ESRRB: variants seen among roughly 807,000 people sequenced by gnomAD.
The protein encoded by ESRRB is estrogen related receptor beta.
A neutral mutation model predicts 46.0 loss-of-function variants in ESRRB; 16 were observed. That is an observed-to-expected ratio of 0.35 (90% CI 0.24 to 0.53). The LOEUF is 0.53. ESRRB is among the 20% of genes least tolerant of loss of function. The pLI, the probability that ESRRB is intolerant of heterozygous loss-of-function variation, is 0.93. For missense variants in ESRRB, 488 were observed against 607.4 expected (o/e 0.80, Z 2.07); for synonymous variants, 246 against 259.6 (o/e 0.95, Z 0.50).
intron 3 of ESRRB, among the ~76,000 whole-genome samples, chr14:76,471,564 A>G (rs1889374562): frequency 1.3e-5 from 2 of 152,086 alleles, no homozygotes; most frequent in Non-Finnish European, 2.9e-5. Context: ...AAGCATGACA[A>G]ACTGTTTCCC....
intron 2 of ESRRB, among the ~76,000 whole-genome samples, chr14:76,456,491 T>A (rs1386800896): frequency 6.6e-6 from 1 of 152,120 alleles, no homozygotes; most frequent in East Asian, 1.9e-4. Flanking sequence ...GAACTAGGAC[T>A]GTTGCAGAAG....
Position 76,465,136 on chromosome 14 carries a change from T to C in ESRRB, c.577+2475T>C, listed in dbSNP as rs551984129. ...ATTGTTTTCAATATAGCCCTGAATT[T>C]TACAGGTGACAAAATGGAGCCCTAC... On this transcript the variant is annotated intron_variant, in intron 3 of 6. Coordinates refer to ENST00000644823, the MANE Select transcript of ESRRB (RefSeq NM_001379180.1). Among the ~76,000 whole-genome samples the C allele has an allele frequency of 9.6e-4, 146 of 151,930 alleles. 1 individual carries two copies. Among genetic ancestry groups the C allele is most frequent in the African/African-American group, 3.0e-3 (123 of 41,260 alleles).
At chr14:76,332,798 AATATATT>A (rs377265731) in intron 1 of ESRRB, among the ~76,000 whole-genome samples, 4 of 9,326 alleles carry the variant, frequency 4.3e-4, no homozygotes, top group Non-Finnish European at 7.4e-4. Context: ...ATAAATATAT[AATATATT>A]TATATATTAT....
At chr14:76,485,381 G>T (rs1399820431) in intron 5 of ESRRB, among the ~76,000 whole-genome samples, 1 of 151,740 alleles carries the variant, frequency 6.6e-6, no homozygotes, top group African/African-American at 2.4e-5. Context: ...GGGACTACAG[G>T]CACGTGCCAC....
At chr14:76,493,187 C>A (rs1268992364) in intron 6 of ESRRB, among the ~76,000 whole-genome samples, 1 of 152,156 alleles carries the variant, frequency 6.6e-6, no homozygotes, top group Non-Finnish European at 1.5e-5. Flanking sequence ...CAGAGTCTCA[C>A]TCTGTGGCCT....
At chr14:76,432,781 T>G (rs989292557) in intron 1 of ESRRB, among the ~76,000 whole-genome samples, 3 of 129,056 alleles carry the variant, frequency 2.3e-5, no homozygotes, top group Non-Finnish European at 4.8e-5. Context: ...GTTCAAGTGA[T>G]TCTCCTGCTT....
chr14:76,472,576 T>A (rs764854487), intron 3 of ESRRB, among the ~76,000 whole-genome samples: 2 of 152,222 alleles, frequency 1.3e-5, no homozygotes, highest in Non-Finnish European at 2.9e-5. Context: ...CCATTGTGTC[T>A]GAGGCAGCAA....
At position 76,418,695 on chromosome 14, in the gene ESRRB, A is replaced by T. The variant is rs550238386; in HGVS notation, c.51-20646A>T. Among the ~76,000 whole-genome samples the T allele has an allele frequency of 1.3e-4, 20 of 151,828 alleles. No homozygotes were observed. In the East Asian group the frequency reaches 3.9e-3, roughly 29 times the overall value. Reference sequence around the variant, plus strand: ...AGTGGAGCGATCTCGGCTCACTATAACCTCCCACCTCCTGGGTTCAAGTGA... The same window carrying T: ...AGTGGAGCGATCTCGGCTCACTATATCCTCCCACCTCCTGGGTTCAAGTGA... On this transcript the variant is annotated intron_variant, in intron 1 of 6. Transcript: ENST00000644823.
intron 2 of ESRRB, among the ~76,000 whole-genome samples, chr14:76,451,601 G>A (rs750737085): frequency 9.2e-5 from 14 of 152,060 alleles, no homozygotes; most frequent in Non-Finnish European, 1.3e-4. Context: ...GGAGCCCAGT[G>A]AGGAAGCAAT....
intron 1 of ESRRB, among the ~76,000 whole-genome samples, chr14:76,313,472 TC>T (rs1193656250): frequency 6.6e-6 from 1 of 152,072 alleles, no homozygotes; most frequent in Non-Finnish European, 1.5e-5. Context: ...TTTTATGGGT[TC>T]CCCCCACCGC....
chr14:76,370,020 A>G (rs377714205), upstream of ESRRB, among the ~76,000 whole-genome samples: 4 of 152,160 alleles, frequency 2.6e-5, no homozygotes, highest in African/African-American at 9.7e-5. Flanking sequence ...GCCAAAGAGA[A>G]CTTTTTCTTC....
chr14:76,358,235 C>T (rs1884407428), intron 1 of ESRRB, among the ~76,000 whole-genome samples: 1 of 149,596 alleles, frequency 6.7e-6, no homozygotes, highest in South Asian at 2.1e-4. Context: ...TCGCTTGAAC[C>T]TGGGAGGTGG....
At chr14:76,432,702 G>T (rs1356628714) in intron 1 of ESRRB, among the ~76,000 whole-genome samples, 1 of 116,452 alleles carries the variant, frequency 8.6e-6, no homozygotes, top group Non-Finnish European at 1.6e-5. Flanking sequence ...CTGAGACGGT[G>T]TCTCGCCCTG....
chr14:76,377,600 A>G (rs1288411218), intron 1 of ESRRB, among the ~76,000 whole-genome samples: 1 of 151,908 alleles, frequency 6.6e-6, no homozygotes, highest in African/African-American at 2.4e-5. Context: ...TTCTGACGCA[A>G]ACTAAATTCT....
chr14:76,483,644 A>C (rs1176010223), intron 5 of ESRRB, among the ~76,000 whole-genome samples: 1 of 152,084 alleles, frequency 6.6e-6, no homozygotes, highest in African/African-American at 2.4e-5. Context: ...TGTGCAATTT[A>C]TTCCTCAACT....
Position 76,498,886 on chromosome 14 carries a change from T to C in ESRRB, c.*428T>C, listed in dbSNP as rs1288165259. ...GGCACTGCTCAGGCTGGATACCACC[T>C]GGAGGTTTTCCTTCCGCAGAGGGCA... On this transcript the variant is annotated 3_prime_UTR_variant, in exon 7 of 7. Transcript: ENST00000644823. The C allele has an allele frequency of 1.9e-6, 1 of 536,646 alleles. No homozygotes were observed. 33.2% of individuals were successfully genotyped at this position (536,646 alleles called of 1,614,324 possible).
intron 1 of ESRRB, among the ~76,000 whole-genome samples, chr14:76,365,538 G>A (rs543743595): frequency 6.6e-6 from 1 of 152,150 alleles, no homozygotes; most frequent in African/African-American, 2.4e-5. Context: ...TTGAACGCAG[G>A]GGTATGTAGT....
rs530637293 is a variant in ESRRB, at chr14:76,482,382, T to G, written c.689-216T>G. Among the ~76,000 whole-genome samples the G allele has an allele frequency of 8.5e-5, 13 of 152,138 alleles. No individual in the cohort carries two copies. Among genetic ancestry groups the G allele is most frequent in the Non-Finnish European group, 1.5e-4 (10 of 68,006 alleles). On this transcript the variant is annotated intron_variant, in intron 4 of 6. Coordinates refer to ENST00000644823, the MANE Select transcript of ESRRB (RefSeq NM_001379180.1). This position sits in a 1 kb window ranked among gnomAD's most constrained non-coding sequence, Gnocchi z 4.3. ...TGCTCTGCAGGTTCCTCCTGGAGAA[T>G]TCGTCAGGCAACTTCCCTTGGAGGG...
Position 76,482,202 on chromosome 14 carries a change from C to CAT in ESRRB, c.688+77_688+78dup, listed in dbSNP as rs1889835004. ...CATCAGGCATCCCTTAGGGAAACATCATCTTCCCACCACTGGGTCATGAGA... is the reference window on the plus strand; with the variant it reads ...CATCAGGCATCCCTTAGGGAAACATCATATCTTCCCACCACTGGGTCATGAGA... On this transcript the variant is annotated intron_variant, in intron 4 of 6. Transcript: ENST00000644823. This position sits in a 1 kb window ranked among gnomAD's most constrained non-coding sequence, Gnocchi z 4.3. The CAT allele has an allele frequency of 8.4e-6, 9 of 1,076,874 alleles. No individual in the cohort carries two copies. In the South Asian group the frequency reaches 1.1e-4, roughly 14 times the overall value. 66.7% of individuals were successfully genotyped at this position (1,076,874 alleles called of 1,614,324 possible). A position where few individuals can be genotyped will look rare whatever the true frequency, so the allele number is the denominator to read the frequency against.
Sources: allele counts gnomAD v4.1 joint callset (sites outside exome capture counted in the v4.1 genomes callset), GRCh38; gene constraint gnomAD v4.1.1; non-coding constraint Gnocchi (gnomAD v3.1); transcripts MANE v1.5; gene names NCBI Gene and HGNC (gene_info 2026-07-23, HGNC 2026-07-21).